Variants in SFXN1 observed in about 807,000 individuals in gnomAD.
SFXN1 encodes the protein sideroflexin-1.
In SFXN1, 32 loss-of-function variants were observed where a neutral mutation model predicts 39.5. That is an observed-to-expected ratio of 0.81 (90% CI 0.61 to 1.09). The LOEUF (loss-of-function observed/expected upper bound fraction) is 1.09, where lower values mean the gene tolerates loss of function less well. Among genes scored for constraint, SFXN1 ranks in the 50% least tolerant of loss-of-function variants. The probability of loss-of-function intolerance (pLI) is 0.00; values close to 1 mark genes in which losing one functional copy is unlikely to be tolerated. For missense variants in SFXN1, 402 were observed against 407.1 expected (o/e 0.99, Z 0.11); for synonymous variants, 136 against 146.5 (o/e 0.93, Z 0.52).
chr5:175,481,065 A>G (rs1478277994), intron 1 of SFXN1, among the ~76,000 whole-genome samples: 3 of 152,246 alleles, frequency 2.0e-5, no homozygotes, highest in Non-Finnish European at 4.4e-5. Flanking sequence ...AGACTTTGGT[A>G]TATGGCATCT....
intron 1 of SFXN1, among the ~76,000 whole-genome samples, chr5:175,487,154 G>A (rs796875883): frequency 1.3e-5 from 2 of 152,288 alleles, no homozygotes; most frequent in African/African-American, 2.4e-5. Context: ...CCTGGTGTCC[G>A]TCCAGCATGA....
intron 10 of SFXN1, chr5:175,523,953 T>C (rs901181033): frequency 2.3e-4 from 35 of 151,654 alleles, no homozygotes; most frequent in African/African-American, 8.5e-4. Flanking sequence ...TGCTTATTTT[T>C]ATTTTACTTA....
intron 6 of SFXN1, among the ~76,000 whole-genome samples, chr5:175,512,505 G>C (rs1423290044): frequency 2.0e-5 from 3 of 152,174 alleles, no homozygotes; most frequent in African/African-American, 7.2e-5. Context: ...CTTACATTGA[G>C]TTGTGCTTGG....
At chr5:175,519,018 C>T (rs1191140873) in intron 8 of SFXN1, among the ~76,000 whole-genome samples, 1 of 152,056 alleles carries the variant, frequency 6.6e-6, no homozygotes, top group Non-Finnish European at 1.5e-5. Flanking sequence ...GTCCAGAATA[C>T]ATAAAGGACC....
intron 8 of SFXN1, among the ~76,000 whole-genome samples, chr5:175,519,087 C>T (rs190570776): frequency 1.3e-5 from 2 of 152,334 alleles, no homozygotes; most frequent in South Asian, 2.1e-4. Context: ...ACATACAGTT[C>T]TCAAGCACCT....
Position 175,521,953 on chromosome 5 carries a change from G to C in SFXN1, c.809G>C (p.Gly270Ala), listed in dbSNP as rs141630104. ...FPWMSAPIQVGLVGFCLVFAT... is the reference protein window; with the variant it reads ...FPWMSAPIQVALVGFCLVFAT... ...TGGATGAGTGCACCCATTCAAGTTG[G>C]GTTAGTTGGCTTCTGGTGAGTAGAA... The change falls in exon 9 of 11, where the codon GGG becomes GCG. Residue 270 changes from glycine to alanine, a missense_variant. By Grantham distance (60) the Gly-to-Ala change is moderately conservative (BLOSUM62 0). Transcript: ENST00000321442. The C allele has an allele frequency of 3.1e-6, 5 of 1,602,136 alleles. No homozygotes were observed. The highest frequency in any genetic ancestry group is 4.3e-6 in the Non-Finnish European group (5 of 1,172,126).
chr5:175,523,454 T>TA (rs1164195269), intron 10 of SFXN1: 1 of 152,194 alleles, frequency 6.6e-6, no homozygotes, highest in African/African-American at 2.4e-5. Flanking sequence ...GTATGTGGCT[T>TA]ATGAACACTG....
Position 175,516,676 on chromosome 5 carries a change from T to G in SFXN1, c.774+13T>G. On this transcript the variant is annotated intron_variant, in intron 8 of 10. Coordinates refer to ENST00000321442, the MANE Select transcript of SFXN1 (RefSeq NM_022754.7). ...AGCCTTTTTGAAGGTAAGCTGTGGT[T>G]CTTTTGTCATTTTCTCAACCCTTTT... The G allele has an allele frequency of 6.2e-7, 1 of 1,611,112 alleles. No homozygotes were observed. Among genetic ancestry groups the G allele is most frequent in the South Asian group, 1.1e-5 (1 of 90,570 alleles).
At chr5:175,517,203 G>A (rs559287101) in intron 8 of SFXN1, among the ~76,000 whole-genome samples, 7 of 152,298 alleles carry the variant, frequency 4.6e-5, no homozygotes, top group East Asian at 3.9e-4. Context: ...AGTTAGCCCC[G>A]TCTTAGCCCA....
chr5:175,501,215 C>T (rs557280124), intron 2 of SFXN1, among the ~76,000 whole-genome samples: 27 of 151,994 alleles, frequency 1.8e-4, no homozygotes, highest in African/African-American at 5.6e-4. Flanking sequence ...ATTACAGGTA[C>T]GTGCCACCAC....
intron 10 of SFXN1, chr5:175,523,802 GT>G (rs1158709454): frequency 2.6e-5 from 4 of 151,872 alleles, no homozygotes; most frequent in Non-Finnish European, 4.4e-5. Context: ...ATCCTCTTTT[GT>G]TTTACTGTAT....
chr5:175,504,543 C>G (rs1463697708), intron 2 of SFXN1, among the ~76,000 whole-genome samples: 2 of 150,676 alleles, frequency 1.3e-5, no homozygotes, highest in South Asian at 2.1e-4. Context: ...TAACTGCACT[C>G]CAGCCTGGCA....
intron 8 of SFXN1, among the ~76,000 whole-genome samples, chr5:175,517,178 G>A (rs929539129): frequency 6.6e-6 from 1 of 152,198 alleles, no homozygotes; most frequent in Admixed American, 6.5e-5. Flanking sequence ...GAAGGAGCTG[G>A]AAAATGATAA....
chr5:175,481,885 A>C (rs1475223816), intron 1 of SFXN1, among the ~76,000 whole-genome samples: 5 of 149,502 alleles, frequency 3.3e-5, no homozygotes, highest in Non-Finnish European at 7.4e-5. Flanking sequence ...AAAGGCCACT[A>C]TATGCAGATG....
At chr5:175,479,336 G>T (rs1314155346) in intron 1 of SFXN1, among the ~76,000 whole-genome samples, 1 of 152,162 alleles carries the variant, frequency 6.6e-6, no homozygotes, top group Non-Finnish European at 1.5e-5. Flanking sequence ...CGAGGTACTG[G>T]GTGTTGGCTC....
rs944456145 is a variant in SFXN1, at chr5:175,528,590, C to T, written c.*1856C>T. 2.6e-5 allele frequency: 4 copies of T among 151,978 alleles called. No homozygotes were observed. Among genetic ancestry groups the T allele is most frequent in the African/African-American group, 9.7e-5 (4 of 41,374 alleles). 9.4% of individuals were successfully genotyped at this position (151,978 alleles called of 1,614,324 possible). A position where few individuals can be genotyped will look rare whatever the true frequency, so the allele number is the denominator to read the frequency against. On this transcript the variant is annotated 3_prime_UTR_variant, in exon 11 of 11. Coordinates refer to ENST00000321442, the MANE Select transcript of SFXN1 (RefSeq NM_022754.7). The stretch of plus-strand genomic sequence containing the variant: ...TGACAATGTGACCAGACTGAATTTC[C>T]TCATAAAGAAAAAATGGCGTGCCTT...
At chr5:175,496,683 T>C (rs1759871632) in intron 2 of SFXN1, among the ~76,000 whole-genome samples, 1 of 152,224 alleles carries the variant, frequency 6.6e-6, no homozygotes, top group African/African-American at 2.4e-5. Context: ...AGTGATGATA[T>C]GACATCCCAC....
At chr5:175,498,704 A>C (rs1046961598) in intron 2 of SFXN1, among the ~76,000 whole-genome samples, 2 of 152,192 alleles carry the variant, frequency 1.3e-5, no homozygotes, top group Non-Finnish European at 2.9e-5. Flanking sequence ...TATAAAAATA[A>C]AGCCTACTGT....
At position 175,526,666 on chromosome 5, in the gene SFXN1, G is replaced by A. The variant is rs769192280; in HGVS notation, c.901G>A (p.Glu301Lys). 20 of 1,614,150 alleles carry A rather than the reference G, an allele frequency of 1.2e-5. No individual in the cohort carries two copies. The highest frequency in any genetic ancestry group is 1.5e-5 in the Non-Finnish European group (18 of 1,180,012). ...SSMSVTSLEA[E>K]LQAKIQESHP... ...CATGTCTGTGACAAGCTTGGAGGCC[G>A]AGTTGCAAGCTAAGATCCAAGAGAG... is the stretch of plus-strand genomic sequence containing the variant. Residue 301 changes from glutamate to lysine, a missense_variant, in exon 11 of 11, where the codon GAG becomes AAG. Glu to Lys is a moderately conservative substitution (Grantham distance 56). Coordinates refer to ENST00000321442, the MANE Select transcript of SFXN1 (RefSeq NM_022754.7).
Sources: gnomAD v4.1 joint callset for allele counts (sites outside exome capture counted in the v4.1 genomes callset) on GRCh38, gnomAD v4.1.1 for gene constraint, MANE v1.5 for transcripts, NCBI Gene and HGNC (gene_info 2026-07-23, HGNC 2026-07-21) for gene names.